The following DSCAM variants were observed in gnomAD, a reference collection of about 807,000 sequenced individuals.
DSCAM encodes the protein DS cell adhesion molecule, also known as cell adhesion molecule DSCAM.
A neutral mutation model predicts 217.7 loss-of-function variants in DSCAM; 47 were observed. The observed-to-expected ratio is 0.22, with a 90% confidence interval of 0.17 to 0.28. The LOEUF is 0.28. DSCAM is among the 10% of genes least tolerant of loss of function. The pLI is 1.00. For synonymous variants in DSCAM, 1,056 were observed against 1,015.3 expected (o/e 1.04, Z -0.76); for missense variants, 2,080 against 2,618.3 (o/e 0.79, Z 4.49).
At chr21:40,096,858 C>G (rs561778568) in intron 20 of DSCAM, among the ~76,000 whole-genome samples, 1 of 152,050 alleles carries the variant, frequency 6.6e-6, no homozygotes, top group African/African-American at 2.4e-5. Flanking sequence ...ATTTGAAAAA[C>G]AATCAAGGTA....
chr21:40,033,573 T>A (rs1206546630), intron 32 of DSCAM, among the ~76,000 whole-genome samples: 1 of 151,392 alleles, frequency 6.6e-6, no homozygotes, highest in East Asian at 1.9e-4. Flanking sequence ...GAGATCAAAC[T>A]GCAAGGCGGC....
At chr21:40,313,244 T>C (rs2074159818) in intron 8 of DSCAM, among the ~76,000 whole-genome samples, 1 of 152,248 alleles carries the variant, frequency 6.6e-6, no homozygotes, top group South Asian at 2.1e-4. Context: ...ACATCTTTAC[T>C]TTGCATCTCT....
At chr21:40,511,363 GTAAGT>G (rs2076256040) in intron 3 of DSCAM, among the ~76,000 whole-genome samples, 1 of 152,118 alleles carries the variant, frequency 6.6e-6, no homozygotes, top group Non-Finnish European at 1.5e-5. Context: ...TCAGCTTAAT[GTAAGT>G]TATTACATTA....
intron 18 of DSCAM, among the ~76,000 whole-genome samples, chr21:40,137,031 T>G (rs1323223410): frequency 6.6e-6 from 1 of 151,450 alleles, no homozygotes; most frequent in Admixed American, 6.6e-5. Context: ...AAAATTAGCC[T>G]GGCGTGGTGG....
At chr21:40,471,372 C>T (rs1366295066) in intron 3 of DSCAM, among the ~76,000 whole-genome samples, 1 of 152,182 alleles carries the variant, frequency 6.6e-6, no homozygotes, top group Non-Finnish European at 1.5e-5. Flanking sequence ...GGGCTCTATG[C>T]CTCCAGCCAC....
chr21:40,179,181 AACC>A, intron 14 of DSCAM, 87 bp from the exon 15 acceptor site: 1 of 766,604 alleles, frequency 1.3e-6, no homozygotes. Flanking sequence ...AGGAATTAAA[AACC>A]AAAAAAAAAA....
chr21:40,114,094 C>T (rs934538962), intron 20 of DSCAM, among the ~76,000 whole-genome samples: 25 of 148,256 alleles, frequency 1.7e-4, no homozygotes, highest in Admixed American at 1.3e-3. Flanking sequence ...AAAAAGAGCC[C>T]GCATCGCCAA....
At chr21:40,047,940 C>T (rs913605783) in intron 30 of DSCAM, among the ~76,000 whole-genome samples, 14 of 152,224 alleles carry the variant, frequency 9.2e-5, no homozygotes, top group Non-Finnish European at 2.9e-5. Context: ...ATTGAATGTG[C>T]GTACATGTGA....
chr21:40,485,171 T>G (rs1225437105), intron 3 of DSCAM, among the ~76,000 whole-genome samples: 1 of 151,152 alleles, frequency 6.6e-6, no homozygotes, highest in Non-Finnish European at 1.5e-5. Context: ...CCCCTTTGCA[T>G]CCACCCTCCA....
At chr21:40,425,752 T>A (rs2075468516) in intron 3 of DSCAM, among the ~76,000 whole-genome samples, 1 of 151,880 alleles carries the variant, frequency 6.6e-6, no homozygotes, top group Non-Finnish European at 1.5e-5. Context: ...TGTTTTAGTA[T>A]AATTCTAAAG....
intron 1 of DSCAM, among the ~76,000 whole-genome samples, chr21:40,764,120 A>AG (rs2091362740): frequency 6.6e-6 from 1 of 152,162 alleles, no homozygotes. Flanking sequence ...AAAGAGCTTC[A>AG]GCTCAGCAAA....
intron 3 of DSCAM, among the ~76,000 whole-genome samples, chr21:40,656,894 T>C (rs2146370897): frequency 6.6e-6 from 1 of 152,298 alleles, no homozygotes; most frequent in South Asian, 2.1e-4. Flanking sequence ...GTTGAGAATG[T>C]TTTCTTTTCT....
At chr21:40,212,367 T>C (rs1344138336) in intron 11 of DSCAM, 1 of 154,292 alleles carries the variant, frequency 6.5e-6, no homozygotes, top group East Asian at 2.0e-4. Flanking sequence ...GGGGTTTAGA[T>C]TGAACATGAA....
chr21:40,718,894 G>C (rs957779987), intron 1 of DSCAM, among the ~76,000 whole-genome samples: 13 of 152,276 alleles, frequency 8.5e-5, no homozygotes, highest in Admixed American at 8.5e-4. Context: ...TGGAGGCCGA[G>C]GTGTGTGGCT....
chr21:40,229,946 C>T (rs549233306), intron 11 of DSCAM, among the ~76,000 whole-genome samples: 33 of 152,182 alleles, frequency 2.2e-4, no homozygotes, highest in Non-Finnish European at 3.8e-4. Context: ...CTTCTGCATG[C>T]CCACCAGCAA....
chr21:40,724,507 T>A (rs1428346711), intron 1 of DSCAM, among the ~76,000 whole-genome samples: 2 of 151,710 alleles, frequency 1.3e-5, no homozygotes, highest in African/African-American at 2.4e-5. Context: ...AGGGAAAAAA[T>A]TACAAAATTG....
intron 3 of DSCAM, among the ~76,000 whole-genome samples, chr21:40,596,136 G>A (rs1302399102): frequency 6.6e-6 from 1 of 152,230 alleles, no homozygotes; most frequent in Non-Finnish European, 1.5e-5. Context: ...CTTGTAGCAA[G>A]AAGGACCCTA....
At chr21:40,686,228 C>CCCTCCACACACACAT (rs60746483) in intron 3 of DSCAM, among the ~76,000 whole-genome samples, 2 of 149,244 alleles carry the variant, frequency 1.3e-5, no homozygotes, top group East Asian at 3.9e-4. Context: ...CACACACACA[C>CCCTCCACACACACAT]AGAGCTCACA....
rs184313639 is a variant in DSCAM at position 40,142,061 on chromosome 21, G to A, written c.3406+497C>T. On this transcript the variant is annotated intron_variant, in intron 18 of 32. Coordinates refer to ENST00000400454, the MANE Select transcript of DSCAM (RefSeq NM_001389.5). Reference sequence around the variant, plus strand: ...GAAGGAAGAGGAGAAAGAGAAACAGGAGACAAAACGGGAGGGCCCTGAACT... The same window carrying A: ...GAAGGAAGAGGAGAAAGAGAAACAGAAGACAAAACGGGAGGGCCCTGAACT... Among the ~76,000 whole-genome samples the A allele has an allele frequency of 6.8e-4, 101 of 148,740 alleles. 1 individual carries two copies. Among genetic ancestry groups the A allele is most frequent in the African/African-American group, 2.5e-3 (95 of 38,390 alleles).
Sources: allele counts gnomAD v4.1 joint callset (sites outside exome capture counted in the v4.1 genomes callset), GRCh38; gene constraint gnomAD v4.1.1; transcripts MANE v1.5; gene names NCBI Gene and HGNC (gene_info 2026-07-23, HGNC 2026-07-21).